DMTF1: variants seen among roughly 807,000 people sequenced by gnomAD.
The protein encoded by DMTF1 is cyclin D binding myb like transcription factor 1, also known as cyclin-D-binding Myb-like transcription factor 1.
In DMTF1, 39 loss-of-function variants were observed where a neutral mutation model predicts 91.1. The observed-to-expected ratio is 0.43, with a 90% CI of 0.33 to 0.56. The LOEUF (loss-of-function observed/expected upper bound fraction) is 0.56. DMTF1 is among the 20% of genes least tolerant of loss of function. DMTF1 has a pLI of 0.05. For synonymous variants in DMTF1, 338 were observed against 309.5 expected, an observed-to-expected ratio of 1.09 and a Z score of -0.97; for missense variants, 750 against 914.5, an observed-to-expected ratio of 0.82 and a Z score of 2.32.
At chr7:87,161,457 G>A (rs554217856) in intron 1 of DMTF1, among the ~76,000 whole-genome samples, 8 of 152,298 alleles carry the variant, frequency 5.3e-5, no homozygotes, top group East Asian at 1.9e-4. Flanking sequence ...AGCCAAGATC[G>A]TGCCACTGCA....
Position 87,184,393 on chromosome 7 carries a change from TC to T in DMTF1, c.821-3del, listed in dbSNP as rs900065774. ...TGGTAGTCTGGATGATTTCCTTTTT[TC>T]AGGGAAGTGGACAGAAGAAGAAGAA... On this transcript the variant is annotated splice_polypyrimidine_tract_variant and splice_region_variant and intron_variant, in intron 10 of 17. Transcript: ENST00000331242. 1 of 1,612,718 alleles carries T rather than the reference TC, an allele frequency of 6.2e-7. No homozygotes were observed. Among genetic ancestry groups the T allele is most frequent in the Non-Finnish European group, 8.5e-7 (1 of 1,179,376 alleles).
intron 1 of DMTF1, among the ~76,000 whole-genome samples, chr7:87,155,878 A>G (rs1328261856): frequency 6.6e-6 from 1 of 152,132 alleles, no homozygotes; most frequent in African/African-American, 2.4e-5. Context: ...TTTAAATGTC[A>G]TTTTGATTAT....
Position 87,194,066 on chromosome 7 carries a change from A to G in DMTF1, c.1992A>G (p.Glu664=). The stretch of plus-strand genomic sequence containing the variant: ...CTGACACCGACCTTAAACAAGAGGA[A>G]TCACCCTCTGATTTAGCCAGTGCTT... ...EISDTDLKQE[E]SPSDLASAYV... is the part of the protein sequence containing the mutation. Residue 664 remains glutamate (E), a synonymous_variant, in exon 16 of 18, where the codon GAA becomes GAG. Transcript: ENST00000331242. 6.2e-7 allele frequency: 1 copy of G among 1,609,138 alleles called. No individual in the cohort carries two copies. Among genetic ancestry groups the G allele is most frequent in the Non-Finnish European group, 8.5e-7 (1 of 1,177,728 alleles).
At chr7:87,177,615 C>T (rs928624856) in intron 7 of DMTF1, among the ~76,000 whole-genome samples, 3 of 152,042 alleles carry the variant, frequency 2.0e-5, no homozygotes, top group Admixed American at 2.0e-4. Flanking sequence ...AATGTATCAC[C>T]TTTTTTGTTT....
At chr7:87,158,395 C>A (rs1266775989) in intron 1 of DMTF1, among the ~76,000 whole-genome samples, 1 of 151,984 alleles carries the variant, frequency 6.6e-6, no homozygotes, top group Non-Finnish European at 1.5e-5. Flanking sequence ...ATTTAAATGG[C>A]ATCTAACAAA....
intron 3 of DMTF1, among the ~76,000 whole-genome samples, chr7:87,166,130 G>A (rs1009945532): frequency 6.6e-6 from 1 of 152,164 alleles, no homozygotes; most frequent in African/African-American, 2.4e-5. Context: ...TCATATACCT[G>A]TGTTCCAGCA....
intron 15 of DMTF1, 115 bp from the exon 16 acceptor site, chr7:87,193,610 A>G: frequency 9.3e-7 from 1 of 1,075,820 alleles, no homozygotes; most frequent in Non-Finnish European, 1.3e-6. Context: ...TTCTAGAAAA[A>G]TAGTGATAAA....
At chr7:87,193,555 AG>A (rs1800417847) in intron 15 of DMTF1, 169 bp from the exon 16 acceptor site, 1 of 805,584 alleles carries the variant, frequency 1.2e-6, no homozygotes, top group Non-Finnish European at 1.9e-6. Context: ...ACATTAGAAT[AG>A]GGACATTAGA....
At chr7:87,168,450 T>A (rs1217049682) in intron 4 of DMTF1, among the ~76,000 whole-genome samples, 1 of 152,196 alleles carries the variant, frequency 6.6e-6, no homozygotes, top group Admixed American at 6.5e-5. Flanking sequence ...CCAGCTCACT[T>A]CCTGTAGGGC....
Position 87,188,152 on chromosome 7 carries a change from A to T in DMTF1, c.1262A>T (p.Glu421Val). Residue 421 changes from glutamate to valine, a missense_variant, in exon 13 of 18, where the codon GAG becomes GTG. Physicochemically the swap from Glu to Val is moderately radical, Grantham distance 121. Transcript: ENST00000331242. ...ENQKNNPTLLENKSGSGVPNS... is the reference protein window; with the variant it reads ...ENQKNNPTLLVNKSGSGVPNS... Reference sequence around the variant, plus strand: ...CAAAAAAACAACCCAACGCTTTTGGAGAATAAATCAGGATCTGGAGTTCCA... The same window carrying T: ...CAAAAAAACAACCCAACGCTTTTGGTGAATAAATCAGGATCTGGAGTTCCA... 6.2e-7 allele frequency: 1 copy of T among 1,614,006 alleles called. No homozygotes were observed. The highest frequency in any genetic ancestry group is 8.5e-7 in the Non-Finnish European group (1 of 1,179,918).
chr7:87,177,108 T>C (rs1452556209), intron 7 of DMTF1, among the ~76,000 whole-genome samples: 2 of 152,178 alleles, frequency 1.3e-5, no homozygotes, highest in South Asian at 2.1e-4. Flanking sequence ...TGAAGTTTCA[T>C]ACATTCAAAA....
In DMTF1 at chr7:87,183,992, C is replaced by CT. The variant is rs1198046290; in HGVS notation, c.821-403dup. Among the ~76,000 whole-genome samples, 10 of 152,256 alleles carry CT rather than the reference C, an allele frequency of 6.6e-5. No homozygotes were observed. The East Asian group carries it at 1.9e-3, about 29-fold the overall frequency. On this transcript the variant is annotated intron_variant, in intron 10 of 17. Coordinates refer to ENST00000331242, the MANE Select transcript of DMTF1 (RefSeq NM_001142327.2). ...TTCCTATAAGTAATGGCCTCTTGAA[C>CT]TTACTTTTGCAGAGCAGGGAATCTT...
chr7:87,164,733 TGA>T (rs1793403516), intron 2 of DMTF1, among the ~76,000 whole-genome samples, 199 bp from the exon 3 acceptor site: 1 of 152,226 alleles, frequency 6.6e-6, no homozygotes, highest in Non-Finnish European at 1.5e-5. Flanking sequence ...ACAGATTCTT[TGA>T]GATATCTAAT....
intron 10 of DMTF1, among the ~76,000 whole-genome samples, chr7:87,182,554 C>T (rs1476449912): frequency 6.6e-6 from 1 of 152,214 alleles, no homozygotes; most frequent in African/African-American, 2.4e-5. Context: ...AGGGACACAA[C>T]ATCACCTTAG....
intron 1 of DMTF1, among the ~76,000 whole-genome samples, chr7:87,161,770 T>C (rs969556552): frequency 2.6e-5 from 4 of 152,194 alleles, no homozygotes; most frequent in African/African-American, 9.7e-5. Context: ...TGTGACCATT[T>C]TGCACCTATA....
intron 4 of DMTF1, among the ~76,000 whole-genome samples, chr7:87,169,545 C>T (rs1310638846): frequency 6.6e-6 from 1 of 152,000 alleles, no homozygotes; most frequent in African/African-American, 2.4e-5. Context: ...TTGAAAATTG[C>T]CTATATTTGC....
intron 12 of DMTF1, chr7:87,186,201 CTTG>C (rs1798384253): frequency 2.0e-6 from 1 of 508,288 alleles, no homozygotes; most frequent in Non-Finnish European, 3.5e-6. Context: ...CACACTTATT[CTTG>C]TTCTTCTACG....
At chr7:87,165,248 C>G (rs1358867338) in intron 3 of DMTF1, among the ~76,000 whole-genome samples, 198 bp downstream of exon 3, 3 of 151,050 alleles carry the variant, frequency 2.0e-5, no homozygotes, top group Admixed American at 1.3e-4. Flanking sequence ...CTGTTGAGCC[C>G]CCAAAGGTAA....
At chr7:87,193,086 C>T (rs540094794) in intron 14 of DMTF1, 112 bp from the exon 15 acceptor site, 19 of 1,112,628 alleles carry the variant, frequency 1.7e-5, no homozygotes, top group Middle Eastern at 2.1e-4. Flanking sequence ...ATTACTTGTT[C>T]GCACCTTCAC....
Sources: allele counts gnomAD v4.1 joint callset (sites outside exome capture counted in the v4.1 genomes callset), GRCh38; gene constraint gnomAD v4.1.1; transcripts MANE v1.5; gene names NCBI Gene and HGNC (gene_info 2026-07-23, HGNC 2026-07-21).